The following DAGLA variants were observed in gnomAD, a reference collection of about 807,000 sequenced individuals.
The protein encoded by DAGLA is diacylglycerol lipase-alpha.
A neutral mutation model predicts 102.6 loss-of-function variants in DAGLA; 22 were observed. That is an observed-to-expected ratio of 0.21 (90% CI 0.15 to 0.31). The LOEUF (loss-of-function observed/expected upper bound fraction) is 0.31. DAGLA is among the 10% of genes least tolerant of loss of function. The probability of loss-of-function intolerance (pLI) is 1.00; values close to 1 mark genes in which losing one functional copy is unlikely to be tolerated. For synonymous variants in DAGLA, 578 were observed against 628.9 expected (o/e 0.92, Z 1.21); for missense variants, 927 against 1,446.6 (o/e 0.64, Z 5.83).
At position 61,746,854 on chromosome 11, in the gene DAGLA, C is replaced by G. The variant is rs907836351; in HGVS notation, c.*2365C>G. The G allele has an allele frequency of 6.6e-6, 1 of 152,604 alleles. No individual in the cohort carries two copies. The highest frequency in any genetic ancestry group is 6.5e-5 in the Admixed American group (1 of 15,286). The allele number at this position is 152,604 out of a possible 1,614,324, so 9.5% of individuals were successfully genotyped here. A position where few individuals can be genotyped will look rare whatever the true frequency, so the allele number is the denominator to read the frequency against. ...TCTCTTACGTGCCATTCTCCCCAGA[C>G]TTTTTTTGTACTTAATGTATGAAAG... On this transcript the variant is annotated 3_prime_UTR_variant, in exon 20 of 20. Coordinates refer to ENST00000257215, the MANE Select transcript of DAGLA (RefSeq NM_006133.3).
chr11:61,736,456 A>G lies in DAGLA; in HGVS notation c.1371+106A>G. On this transcript the variant is annotated intron_variant, in intron 13 of 19. Coordinates refer to ENST00000257215, the MANE Select transcript of DAGLA (RefSeq NM_006133.3). The stretch of plus-strand genomic sequence containing the variant: ...TGGGTGATGGAGCCTCACAACTCCC[A>G]CACAAGCCAGGCTCCTGCAATCCCT... 2 of 932,638 alleles carry G rather than the reference A, an allele frequency of 2.1e-6. 1 individual carries two copies. Among genetic ancestry groups the G allele is most frequent in the South Asian group, 2.8e-5 (2 of 70,540 alleles). The allele number at this position is 932,638 out of a possible 1,614,324, so 57.8% of individuals were successfully genotyped here. A position where few individuals can be genotyped will look rare whatever the true frequency, so the allele number is the denominator to read the frequency against.
intron 14 of DAGLA, 78 bp downstream of exon 14, chr11:61,737,402 T>C: frequency 6.3e-7 from 1 of 1,582,372 alleles, no homozygotes; most frequent in Non-Finnish European, 8.6e-7. Context: ...TGCTAGGGGC[T>C]GGACTGGGAG....
chr11:61,715,276 T>TA (rs148171278), intron 1 of DAGLA, among the ~76,000 whole-genome samples: 2,296 of 152,292 alleles, frequency 0.015, 31 homozygotes, highest in Non-Finnish European at 0.023. Context: ...GATGGATCCC[T>TA]ATGGCTGGAC....
chr11:61,701,536 C>T (rs2065110370), intron 1 of DAGLA, among the ~76,000 whole-genome samples: 1 of 152,182 alleles, frequency 6.6e-6, no homozygotes, highest in Non-Finnish European at 1.5e-5. Flanking sequence ...GGGATGTGTG[C>T]GCGCAGGGGC....
chr11:61,681,477 C>A (rs2064941865), intron 1 of DAGLA, among the ~76,000 whole-genome samples: 1 of 152,140 alleles, frequency 6.6e-6, no homozygotes, highest in Non-Finnish European at 1.5e-5. Flanking sequence ...GAGAAGCAAG[C>A]AGGACCAAGA....
Position 61,684,479 on chromosome 11 carries a change from C to T in DAGLA, c.-45+3975C>T, listed in dbSNP as rs188097589. Among the ~76,000 whole-genome samples the T allele has an allele frequency of 3.2e-3, 484 of 151,960 alleles. 4 individuals carry two copies. The highest frequency in any genetic ancestry group is 9.0e-3 in the Admixed American group (138 of 15,268). On this transcript the variant is annotated intron_variant, in intron 1 of 19. Coordinates refer to ENST00000257215, the MANE Select transcript of DAGLA (RefSeq NM_006133.3). The surrounding 1 kb of genome is among the most constrained non-coding windows in gnomAD (Gnocchi z 4.5). ...TGGGAAGCGTGAGTGTGGGTGTGGA[C>T]GTGGGTTGTGTGTGTGGGCAGGAAA...
intron 12 of DAGLA, 68 bp from the exon 13 acceptor site, chr11:61,736,202 G>A: frequency 7.5e-7 from 1 of 1,332,916 alleles, no homozygotes; most frequent in Non-Finnish European, 1.1e-6. Flanking sequence ...TGAGCTGCAG[G>A]TCACTGTGGG....
chr11:61,708,069 G>T (rs11825613), intron 1 of DAGLA, among the ~76,000 whole-genome samples: 1 of 152,066 alleles, frequency 6.6e-6, no homozygotes, highest in Non-Finnish European at 1.5e-5. Context: ...GTGCAGTGAC[G>T]CAGTCTCGGC....
At chr11:61,739,418 A>T in intron 16 of DAGLA, 47 bp from the exon 17 acceptor site, 1 of 921,194 alleles carries the variant, frequency 1.1e-6, no homozygotes, top group East Asian at 5.3e-5. Context: ...CCCCCCAGCC[A>T]GTGCTACTTA....
intron 1 of DAGLA, among the ~76,000 whole-genome samples, chr11:61,682,649 GGA>G (rs1488003670): frequency 6.6e-6 from 1 of 152,190 alleles, no homozygotes; most frequent in African/African-American, 2.4e-5. Context: ...TACCTGTGTG[GGA>G]GGAAGACTTG....
intron 1 of DAGLA, among the ~76,000 whole-genome samples, chr11:61,688,453 G>A (rs539809349): frequency 1.3e-5 from 2 of 152,268 alleles, no homozygotes; most frequent in African/African-American, 2.4e-5. Context: ...ACCCCAGCCC[G>A]GCAGATGAAT....
Position 61,720,160 on chromosome 11 carries a change from C to T in DAGLA, c.5C>T (p.Pro2Leu), listed in dbSNP as rs1206165356. Reference protein sequence around the residue: MPGIVVFRRRWS... With the variant: MLGIVVFRRRWS... Reference sequence around the variant, plus strand: ...GCCTCTGCAGAGCCACCAGCCATGCCCGGGATCGTGGTGTTCCGGCGGCGC... The same window carrying T: ...GCCTCTGCAGAGCCACCAGCCATGCTCGGGATCGTGGTGTTCCGGCGGCGC... Residue 2 changes from proline to leucine, a missense_variant, in exon 2 of 20, where the codon CCC becomes CTC. Around this residue, in one of 4 missense-constraint regions of DAGLA, gnomAD observed 231 missense variants for 439.8 expected, o/e 0.53. Transcript: ENST00000257215. 1 of 1,612,714 alleles carries T rather than the reference C, an allele frequency of 6.2e-7. No homozygotes were observed. Among genetic ancestry groups the T allele is most frequent in the Non-Finnish European group, 8.5e-7 (1 of 1,180,018 alleles).
chr11:61,725,611 C>A (rs1163848992), intron 5 of DAGLA, among the ~76,000 whole-genome samples: 1 of 152,200 alleles, frequency 6.6e-6, no homozygotes, highest in African/African-American at 2.4e-5. Flanking sequence ...AGGGTTTGAG[C>A]CTTTGGACAC....
chr11:61,731,592 C>T (rs1340285259), intron 9 of DAGLA, 151 bp downstream of exon 9: 1 of 1,138,036 alleles, frequency 8.8e-7, no homozygotes, highest in Non-Finnish European at 1.2e-6. Flanking sequence ...TCTGTGTTAT[C>T]CCTGAGCAGT....
At chr11:61,727,514 C>T (rs1331695268) in intron 6 of DAGLA, among the ~76,000 whole-genome samples, 3 of 152,232 alleles carry the variant, frequency 2.0e-5, no homozygotes, top group Non-Finnish European at 4.4e-5. Context: ...TAAGAGGGCA[C>T]CAGCCAGCAG....
intron 1 of DAGLA, among the ~76,000 whole-genome samples, chr11:61,714,453 C>G (rs1404787361): frequency 6.6e-6 from 1 of 152,246 alleles, no homozygotes; most frequent in Non-Finnish European, 1.5e-5. Flanking sequence ...TTGATGCCTC[C>G]CTGCAGGTTT....
At chr11:61,689,737 C>T (rs1475715725) in intron 1 of DAGLA, among the ~76,000 whole-genome samples, 1 of 151,886 alleles carries the variant, frequency 6.6e-6, no homozygotes, top group African/African-American at 2.4e-5. Context: ...ATCTCCTGAC[C>T]TCGTGATCCA....
chr11:61,723,326 C>T, intron 4 of DAGLA, 108 bp from the exon 5 acceptor site: 1 of 1,466,688 alleles, frequency 6.8e-7, no homozygotes. Flanking sequence ...CTTTTGTCCC[C>T]AGAAGCATTT....
Position 61,723,422 on chromosome 11 carries a change from T to A in DAGLA, c.410-12T>A. On this transcript the variant is annotated splice_polypyrimidine_tract_variant and intron_variant, in intron 4 of 19. Coordinates refer to ENST00000257215, the MANE Select transcript of DAGLA (RefSeq NM_006133.3). ...AGCGCCCCTACCTAATGCCTCCCAC[T>A]GCTGCCCGCAGGAATGGTTGTCTGC... 1 of 1,609,496 alleles carries A rather than the reference T, an allele frequency of 6.2e-7. No individual in the cohort carries two copies. The highest frequency in any genetic ancestry group is 8.5e-7 in the Non-Finnish European group (1 of 1,176,092).
Sources: allele counts gnomAD v4.1 joint callset (sites outside exome capture counted in the v4.1 genomes callset), GRCh38; gene constraint gnomAD v4.1.1; regional missense constraint gnomAD v4.1.1; non-coding constraint Gnocchi (gnomAD v3.1); transcripts MANE v1.5; gene names NCBI Gene and HGNC (gene_info 2026-07-23, HGNC 2026-07-21).